Variants in EYS observed in about 807,000 individuals in gnomAD.
The protein encoded by EYS is protein eyes shut homolog.
Under a neutral mutation model 282.1 loss-of-function variants are expected in EYS, and 250 were observed. The observed-to-expected ratio is 0.89, with a 90% CI of 0.80 to 0.98. The LOEUF (loss-of-function observed/expected upper bound fraction) is 0.98, where lower values mean the gene tolerates loss of function less well. Ranked by LOEUF, EYS falls within the 50% of genes least tolerant of loss-of-function variation. The probability of loss-of-function intolerance (pLI) is 0.00; values close to 1 mark genes in which losing one functional copy is unlikely to be tolerated. For synonymous variants in EYS, 1,355 were observed against 1,282.9 expected (o/e 1.06, Z -1.20); for missense variants, 4,016 against 3,709.0 (o/e 1.08, Z -2.15).
intron 30 of EYS, among the ~76,000 whole-genome samples, chr6:64,255,423 T>C (rs866063654): frequency 9.9e-5 from 15 of 152,196 alleles, no homozygotes; most frequent in Non-Finnish European, 1.2e-4. Flanking sequence ...ATATTTCTAC[T>C]AAAAAGTTAT....
intron 1 of EYS, among the ~76,000 whole-genome samples, chr6:65,655,859 A>C (rs1767803839): frequency 6.6e-6 from 1 of 151,872 alleles, no homozygotes; most frequent in Non-Finnish European, 1.5e-5. Flanking sequence ...GGGATTTAGC[A>C]TATTACATAA....
At chr6:63,933,504 G>T (rs1479390533) in intron 35 of EYS, among the ~76,000 whole-genome samples, 3 of 152,176 alleles carry the variant, frequency 2.0e-5, no homozygotes, top group Admixed American at 6.5e-5. Context: ...ACCGCACCTG[G>T]CCTCTTTTGG....
At chr6:64,323,150 GAAT>G (rs10598973) in intron 29 of EYS, among the ~76,000 whole-genome samples, 103,889 of 151,498 alleles carry the variant, frequency 0.69, 35,630 homozygotes, top group South Asian at 0.71. Context: ...ATTAATTTTA[GAAT>G]AATTTGTCAC....
intron 12 of EYS, among the ~76,000 whole-genome samples, chr6:65,291,124 A>T (rs1768513506): frequency 6.6e-6 from 1 of 151,722 alleles, no homozygotes; most frequent in East Asian, 1.9e-4. Flanking sequence ...ATTATAAAGC[A>T]CTACAGCAAC....
At chr6:64,463,657 ATGCTTCACTCT>A (rs1363227714) in intron 26 of EYS, among the ~76,000 whole-genome samples, 1 of 152,228 alleles carries the variant, frequency 6.6e-6, no homozygotes, top group Admixed American at 6.5e-5. Flanking sequence ...AGAAGATATT[ATGCTTCACTCT>A]ATAAGCATGT....
rs184748309 is a variant in EYS at position 64,432,056 on chromosome 6, C to T, written c.5927+4118G>A. Among the ~76,000 whole-genome samples, 4 of 152,178 alleles carry T rather than the reference C, an allele frequency of 2.6e-5. No individual in the cohort carries two copies. In the East Asian group the frequency reaches 7.7e-4, roughly 29 times the overall value. ...TATTGTATCCAATGCATGTGGATGA[C>T]TGTACATAAACATAGCTGGTAAATT... On this transcript the variant is annotated intron_variant, in intron 28 of 42. Coordinates refer to ENST00000503581, the MANE Select transcript of EYS (RefSeq NM_001142800.2).
At chr6:64,220,190 A>G (rs1421580792) in intron 31 of EYS, among the ~76,000 whole-genome samples, 1 of 152,180 alleles carries the variant, frequency 6.6e-6, no homozygotes, top group Non-Finnish European at 1.5e-5. Context: ...AAATTTTAAT[A>G]GAAATGTATA....
intron 31 of EYS, among the ~76,000 whole-genome samples, chr6:64,153,304 G>A (rs1774805138): frequency 6.6e-6 from 1 of 152,060 alleles, no homozygotes; most frequent in Admixed American, 6.6e-5. Context: ...ATCATATTTT[G>A]TAGATCACAA....
chr6:64,456,956 A>G (rs1027688691), intron 26 of EYS, among the ~76,000 whole-genome samples: 6 of 152,118 alleles, frequency 3.9e-5, no homozygotes, highest in Admixed American at 1.3e-4. Flanking sequence ...TTCAATCTGA[A>G]AAGTGTGTAA....
intron 30 of EYS, among the ~76,000 whole-genome samples, chr6:64,274,875 G>GA (rs1181429667): frequency 2.1e-3 from 308 of 145,604 alleles, no homozygotes; most frequent in Admixed American, 5.4e-3. Context: ...CTGAATAAAT[G>GA]AAAAAAAAAA....
chr6:64,585,689 C>G (rs1766213565), intron 26 of EYS, among the ~76,000 whole-genome samples: 1 of 151,908 alleles, frequency 6.6e-6, no homozygotes, highest in Admixed American at 6.6e-5. Flanking sequence ...ATTCTATTTC[C>G]TTTTATCAGC....
At chr6:65,566,739 T>C (rs1166609251) in intron 2 of EYS, among the ~76,000 whole-genome samples, 1 of 152,166 alleles carries the variant, frequency 6.6e-6, no homozygotes, top group Non-Finnish European at 1.5e-5. Context: ...AATTTCATCA[T>C]CTAAAAAGTA....
intron 30 of EYS, among the ~76,000 whole-genome samples, chr6:64,240,489 C>G (rs954992996): frequency 6.6e-6 from 1 of 151,962 alleles, no homozygotes; most frequent in African/African-American, 2.4e-5. Flanking sequence ...AGTTGGATTC[C>G]TAGGTATTTT....
chr6:63,811,732 A>G (rs1771051379), intron 36 of EYS, among the ~76,000 whole-genome samples: 2 of 152,012 alleles, frequency 1.3e-5, no homozygotes, highest in Admixed American at 6.6e-5. Flanking sequence ...TTATTCCACT[A>G]TTTGTATTCT....
At chr6:64,430,443 ATAAT>A (rs1270919192) in intron 28 of EYS, among the ~76,000 whole-genome samples, 4 of 152,194 alleles carry the variant, frequency 2.6e-5, no homozygotes, top group Non-Finnish European at 4.4e-5. Context: ...TGATGAAGTT[ATAAT>A]TATTTAACAG....
At chr6:63,847,908 T>C (rs1056735093) in intron 36 of EYS, among the ~76,000 whole-genome samples, 10 of 152,246 alleles carry the variant, frequency 6.6e-5, no homozygotes, top group Non-Finnish European at 1.3e-4. Context: ...TGAAAAGCCA[T>C]CATTTGGTAA....
At chr6:64,970,768 T>C (rs1353964843) in intron 14 of EYS, among the ~76,000 whole-genome samples, 1 of 152,120 alleles carries the variant, frequency 6.6e-6, no homozygotes, top group Non-Finnish European at 1.5e-5. Context: ...CAGAGAAAAG[T>C]CATGACATTA....
intron 12 of EYS, among the ~76,000 whole-genome samples, chr6:65,178,708 G>C (rs563774425): frequency 6.6e-6 from 1 of 152,010 alleles, no homozygotes; most frequent in Admixed American, 6.6e-5. Flanking sequence ...GCACCAAGCA[G>C]ACATAATAGA....
chr6:65,365,864 G>T (rs1205924842), intron 8 of EYS, among the ~76,000 whole-genome samples: 1 of 151,648 alleles, frequency 6.6e-6, no homozygotes, highest in Non-Finnish European at 1.5e-5. Flanking sequence ...AATTATGTAT[G>T]ATTCTCACTT....
Sources: gnomAD v4.1 joint callset for allele counts (sites outside exome capture counted in the v4.1 genomes callset) on GRCh38, gnomAD v4.1.1 for gene constraint, MANE v1.5 for transcripts, NCBI Gene and HGNC (gene_info 2026-07-23, HGNC 2026-07-21) for gene names.